Variants in PPP1R9A observed in about 807,000 individuals in gnomAD.
PPP1R9A encodes neurabin-1.
Under a neutral mutation model 141.9 loss-of-function variants are expected in PPP1R9A, and 59 were observed. The ratio of observed to expected loss-of-function variants is 0.42; its 90% CI spans 0.34 to 0.52. PPP1R9A has a LOEUF of 0.52. Among genes scored for constraint, PPP1R9A ranks in the 20% least tolerant of loss-of-function variants. The probability of loss-of-function intolerance (pLI) is 0.10; values close to 1 mark genes in which losing one functional copy is unlikely to be tolerated. For synonymous variants in PPP1R9A, 500 were observed against 569.7 expected (o/e 0.88, Z 1.74); for missense variants, 1,444 against 1,611.9 (o/e 0.90, Z 1.78).
At chr7:94,961,616 C>A (rs1797652784) in intron 2 of PPP1R9A, among the ~76,000 whole-genome samples, 1 of 151,640 alleles carries the variant, frequency 6.6e-6, no homozygotes, top group African/African-American at 2.4e-5. Context: ...TGACTGGGTG[C>A]CCTTTTGCAA....
At chr7:95,066,009 T>C (rs1306435211) in intron 2 of PPP1R9A, among the ~76,000 whole-genome samples, 1 of 152,144 alleles carries the variant, frequency 6.6e-6, no homozygotes, top group African/African-American at 2.4e-5. Flanking sequence ...TAGAAATGTA[T>C]TGTTATGGTC....
intron 7 of PPP1R9A, among the ~76,000 whole-genome samples, chr7:95,206,123 C>CAT (rs1790738053): frequency 6.6e-6 from 1 of 152,144 alleles, no homozygotes; most frequent in Non-Finnish European, 1.5e-5. Flanking sequence ...TACAATACTG[C>CAT]ATATATGTCC....
intron 2 of PPP1R9A, among the ~76,000 whole-genome samples, chr7:94,995,293 T>C (rs1357798968): frequency 6.6e-6 from 1 of 152,118 alleles, no homozygotes. Flanking sequence ...TTTTTCTCCA[T>C]GTTTCTCATG....
chr7:95,114,992 A>C (rs900558918), intron 3 of PPP1R9A, among the ~76,000 whole-genome samples: 3 of 152,036 alleles, frequency 2.0e-5, no homozygotes, highest in African/African-American at 7.2e-5. Flanking sequence ...CTTGAAAAGC[A>C]AAAAATGGAC....
At chr7:94,952,555 A>G (rs1234037067) in intron 2 of PPP1R9A, among the ~76,000 whole-genome samples, 5 of 152,160 alleles carry the variant, frequency 3.3e-5, no homozygotes, top group African/African-American at 1.2e-4. Context: ...TGGTTGAAGT[A>G]ATTTACACAC....
intron 2 of PPP1R9A, among the ~76,000 whole-genome samples, chr7:95,070,593 G>GTGTATATATATATATA (rs376992260): frequency 1.8e-5 from 2 of 111,938 alleles, no homozygotes; most frequent in African/African-American, 7.2e-5. Flanking sequence ...TAAATCTCTG[G>GTGTATATATATATATA]TATATATATA....
At chr7:95,066,216 A>C (rs912137538) in intron 2 of PPP1R9A, among the ~76,000 whole-genome samples, 1 of 152,192 alleles carries the variant, frequency 6.6e-6, no homozygotes, top group Non-Finnish European at 1.5e-5. Context: ...CACTGTGTGG[A>C]TACAAAAGGT....
intron 2 of PPP1R9A, among the ~76,000 whole-genome samples, chr7:94,947,463 T>A (rs1374627522): frequency 6.6e-6 from 1 of 152,152 alleles, no homozygotes; most frequent in African/African-American, 2.4e-5. Context: ...TATGTGGCAT[T>A]TTCTACAGCT....
chr7:94,962,195 G>C (rs923826234), intron 2 of PPP1R9A, among the ~76,000 whole-genome samples: 3 of 151,852 alleles, frequency 2.0e-5, no homozygotes, highest in Non-Finnish European at 4.4e-5. Flanking sequence ...ATTAACTCAT[G>C]GTATGTTTCT....
intron 12 of PPP1R9A, among the ~76,000 whole-genome samples, chr7:95,264,326 T>C (rs570623312): frequency 1.3e-5 from 2 of 152,298 alleles, no homozygotes; most frequent in East Asian, 3.9e-4. Flanking sequence ...AGTGGGTTAG[T>C]GCACGTAACT....
intron 12 of PPP1R9A, among the ~76,000 whole-genome samples, chr7:95,258,000 A>G (rs1410345613): frequency 6.6e-6 from 1 of 152,218 alleles, no homozygotes; most frequent in Non-Finnish European, 1.5e-5. Flanking sequence ...TCTTAATAGC[A>G]GCATGATTTA....
intron 7 of PPP1R9A, among the ~76,000 whole-genome samples, chr7:95,216,973 T>A (rs1793545156): frequency 6.6e-6 from 1 of 152,176 alleles, no homozygotes; most frequent in Admixed American, 6.5e-5. Flanking sequence ...TTCTCCTGCC[T>A]GATTGCCCTG....
At chr7:95,258,633 C>T (rs1033962017) in intron 12 of PPP1R9A, among the ~76,000 whole-genome samples, 1 of 152,024 alleles carries the variant, frequency 6.6e-6, no homozygotes, top group African/African-American at 2.4e-5. Flanking sequence ...ATATTGTTGT[C>T]CACAATAAAT....
chr7:95,144,156 C>T (rs999693406), intron 4 of PPP1R9A, among the ~76,000 whole-genome samples: 1 of 152,050 alleles, frequency 6.6e-6, no homozygotes, highest in Admixed American at 6.6e-5. Flanking sequence ...CCATTTGCCC[C>T]ACTCCCCCCA....
rs576223248 is a variant in PPP1R9A, at chr7:95,102,993, C to T, written c.1396-8266C>T. Among the ~76,000 whole-genome samples the T allele has an allele frequency of 2.0e-5, 3 of 152,210 alleles. No individual in the cohort carries two copies. The South Asian group carries it at 6.3e-4, about 32-fold the overall frequency. On this transcript the variant is annotated intron_variant, in intron 2 of 19. Transcript: ENST00000433360. Reference sequence around the variant, plus strand: ...GGCTAAAGCAGATTACCTTCCTTAACGTGGATTGGCCTCATCAAATTCATT... The same window carrying T: ...GGCTAAAGCAGATTACCTTCCTTAATGTGGATTGGCCTCATCAAATTCATT...
At chr7:94,962,971 C>T (rs565057932) in intron 2 of PPP1R9A, among the ~76,000 whole-genome samples, 4 of 152,118 alleles carry the variant, frequency 2.6e-5, no homozygotes, top group South Asian at 2.1e-4. Context: ...CATGCTTTAT[C>T]AGTAAAATGA....
At chr7:95,065,990 T>C (rs978853018) in intron 2 of PPP1R9A, among the ~76,000 whole-genome samples, 1 of 152,166 alleles carries the variant, frequency 6.6e-6, no homozygotes, top group African/African-American at 2.4e-5. Flanking sequence ...AGTACTCCAA[T>C]CAACTTTATA....
rs151312183 is a variant in PPP1R9A at position 95,053,494 on chromosome 7, C to T, written c.1396-57765C>T. Among the ~76,000 whole-genome samples, 614 of 152,222 alleles carry T rather than the reference C, an allele frequency of 4.0e-3. 8 individuals are homozygous for T. The highest frequency in any genetic ancestry group is 0.014 in the African/African-American group (584 of 41,534). On this transcript the variant is annotated intron_variant, in intron 2 of 19. Coordinates refer to ENST00000433360, the MANE Select transcript of PPP1R9A (RefSeq NM_001166160.2). The stretch of plus-strand genomic sequence containing the variant: ...ATAAGGTTTTAAGTAAGTTTCTTAA[C>T]ACCAATAAAAATAAAAATGCTAGAT...
intron 7 of PPP1R9A, among the ~76,000 whole-genome samples, chr7:95,210,973 A>C (rs2152911185): frequency 6.6e-6 from 1 of 152,076 alleles, no homozygotes. Flanking sequence ...CAGGGAGGAG[A>C]ATATCACACA....
Sources: gnomAD v4.1 joint callset for allele counts (sites outside exome capture counted in the v4.1 genomes callset) on GRCh38, gnomAD v4.1.1 for gene constraint, MANE v1.5 for transcripts, NCBI Gene and HGNC (gene_info 2026-07-23, HGNC 2026-07-21) for gene names.